The following GALNT9 variants were observed in gnomAD, a reference collection of about 807,000 sequenced individuals.
The protein encoded by GALNT9 is GalNAc transferase 9.
A neutral mutation model predicts 63.1 loss-of-function variants in GALNT9; 47 were observed. The observed-to-expected ratio is 0.75, with a 90% CI of 0.59 to 0.95. GALNT9 has a LOEUF of 0.95. Ranked by LOEUF, GALNT9 falls within the 40% of genes least tolerant of loss-of-function variation. The pLI is 0.00. For synonymous variants in GALNT9, 396 were observed against 365.7 expected (o/e 1.08, Z -0.94); for missense variants, 829 against 874.8 (o/e 0.95, Z 0.66).
chr12:132,209,113 T>A (rs967473359), intron 6 of GALNT9, among the ~76,000 whole-genome samples: 27 of 152,100 alleles, frequency 1.8e-4, no homozygotes, highest in African/African-American at 6.5e-4. Context: ...GAACAGGGGC[T>A]GGGTAAGATG....
chr12:132,306,736 C>A (rs565211097), intron 1 of GALNT9, among the ~76,000 whole-genome samples: 1 of 152,254 alleles, frequency 6.6e-6, no homozygotes, highest in South Asian at 2.1e-4. Context: ...AGCTTCCTTT[C>A]GAGATTCAGG....
chr12:132,213,084 ACGGAAACCCCACCCGGG>A (rs1877022826), intron 6 of GALNT9, among the ~76,000 whole-genome samples: 1 of 96,580 alleles, frequency 1.0e-5, no homozygotes, highest in Non-Finnish European at 2.1e-5. Flanking sequence ...AGACCTCGAC[ACGGAAACCCCACCCGGG>A]TCTGCAGCCT....
At chr12:132,200,071 G>C (rs992043871) in intron 8 of GALNT9, among the ~76,000 whole-genome samples, 11 of 152,190 alleles carry the variant, frequency 7.2e-5, no homozygotes, top group Non-Finnish European at 1.6e-4. Context: ...AGCACAGGGA[G>C]GCTGGGGGAG....
At chr12:132,289,979 G>T (rs558194469) in intron 1 of GALNT9, among the ~76,000 whole-genome samples, 1 of 152,202 alleles carries the variant, frequency 6.6e-6, no homozygotes, top group African/African-American at 2.4e-5. Flanking sequence ...CCTCAGATCC[G>T]ATCTTCTTCC....
At chr12:132,287,502 G>A (rs1463165111) in intron 1 of GALNT9, among the ~76,000 whole-genome samples, 2 of 152,260 alleles carry the variant, frequency 1.3e-5, no homozygotes, top group East Asian at 1.9e-4. Flanking sequence ...CCGAGCCGTC[G>A]ACACAGGCAG....
At chr12:132,295,574 C>T (rs979355281) in intron 1 of GALNT9, among the ~76,000 whole-genome samples, 6 of 152,198 alleles carry the variant, frequency 3.9e-5, no homozygotes, top group Admixed American at 3.3e-4. Flanking sequence ...GGGGCACACA[C>T]GTGAGGGTGG....
intron 5 of GALNT9, 36 bp from the exon 6 acceptor site, chr12:132,248,063 A>T: frequency 2.0e-6 from 3 of 1,530,322 alleles, no homozygotes; most frequent in Non-Finnish European, 2.6e-6. Context: ...GGACCTCGCC[A>T]TGCAGGCCTG....
chr12:132,215,975 G>A (rs1318184428), intron 6 of GALNT9, among the ~76,000 whole-genome samples: 2 of 152,164 alleles, frequency 1.3e-5, no homozygotes, highest in Non-Finnish European at 2.9e-5. Flanking sequence ...GACTCCTAAG[G>A]GACAGTGGCT....
At chr12:132,216,728 G>C (rs1025975817) in intron 6 of GALNT9, among the ~76,000 whole-genome samples, 6 of 152,230 alleles carry the variant, frequency 3.9e-5, no homozygotes, top group Non-Finnish European at 8.8e-5. Flanking sequence ...CCACTCACAA[G>C]ACTGGAGAGA....
At chr12:132,295,641 T>C (rs1881028474) in intron 1 of GALNT9, among the ~76,000 whole-genome samples, 1 of 152,190 alleles carries the variant, frequency 6.6e-6, no homozygotes, top group African/African-American at 2.4e-5. Context: ...CACCAGGAGC[T>C]GGAAGAGGCA....
intron 6 of GALNT9, among the ~76,000 whole-genome samples, chr12:132,247,223 C>G (rs1168302296): frequency 6.6e-6 from 1 of 152,122 alleles, no homozygotes; most frequent in African/African-American, 2.4e-5. Context: ...GGCAGAAGCC[C>G]GGCCGAGCTC....
intron 6 of GALNT9, among the ~76,000 whole-genome samples, chr12:132,216,442 G>A (rs1008539028): frequency 1.3e-5 from 2 of 152,210 alleles, no homozygotes; most frequent in South Asian, 2.1e-4. Context: ...CAGGCAGGAC[G>A]GTGCGTGGCA....
At position 132,247,583 on chromosome 12, in the gene GALNT9, C is replaced by T. The variant is rs1555238082; in HGVS notation, c.1077+327G>A. 9.6e-6 allele frequency: 5 copies of T among 523,330 alleles called. No individual in the cohort carries two copies. In the East Asian group the frequency reaches 1.4e-4, roughly 15 times the overall value. The allele number at this position is 523,330 out of a possible 1,614,324, so 32.4% of individuals were successfully genotyped here. ...CCTGTCCCTAGACCATGGCTGCACT[C>T]GCCCTCACCCTGTCCCCGGACACTG... On this transcript the variant is annotated intron_variant, in intron 6 of 10. Transcript: ENST00000328957.
chr12:132,329,026 G>C lies in GALNT9; in HGVS notation c.178C>G (p.Arg60Gly), dbSNP rs1555246728. The change falls in exon 1 of 11, where the codon CGT becomes GGT. Residue 60 changes from arginine to glycine, a missense_variant. By Grantham distance (125) the Arg-to-Gly change is moderately radical (BLOSUM62 -2). Transcript: ENST00000328957. ...TCCAGGCGCTGCAGGATGGCCTCAC[G>C]GTCCCCCAGCGTGCCCACCTTGGCG... ...RHAKVGTLGD[R>G]EAILQRLDHL... is the part of the protein sequence containing the mutation. The C allele has an allele frequency of 2.6e-6, 4 of 1,544,520 alleles. No individual in the cohort carries two copies. Among genetic ancestry groups the C allele is most frequent in the Non-Finnish European group, 1.7e-6 (2 of 1,145,788 alleles).
rs562282733 is a variant in GALNT9 at position 132,314,491 on chromosome 12, C to G, written c.238+14475G>C. On this transcript the variant is annotated intron_variant, in intron 1 of 10. Coordinates refer to ENST00000328957, the MANE Select transcript of GALNT9 (RefSeq NM_001122636.2). Reference sequence around the variant, plus strand: ...CATTTCACAGATGAGGAAACCAAGGCTCAGAGAGGAGTAGTGACTTGCCCG... The same window carrying G: ...CATTTCACAGATGAGGAAACCAAGGGTCAGAGAGGAGTAGTGACTTGCCCG... 9.9e-5 allele frequency among the ~76,000 whole-genome samples: 15 copies of G among 152,280 alleles called. No individual in the cohort carries two copies. In the East Asian group the frequency reaches 2.7e-3, roughly 28 times the overall value.
chr12:132,240,519 CA>C (rs1878216791), intron 6 of GALNT9: 1 of 430,036 alleles, frequency 2.3e-6, no homozygotes, highest in Non-Finnish European at 4.6e-6. Context: ...CAGTCGCTGG[CA>C]GTGCTGCTGT....
intron 6 of GALNT9, among the ~76,000 whole-genome samples, chr12:132,206,989 C>T (rs910052599): frequency 3.3e-5 from 5 of 152,166 alleles, no homozygotes; most frequent in African/African-American, 1.2e-4. Flanking sequence ...CACCTGAGCC[C>T]GGGAGGTTGA....
intron 2 of GALNT9, among the ~76,000 whole-genome samples, chr12:132,269,295 G>C (rs921645426): frequency 6.6e-6 from 1 of 152,110 alleles, no homozygotes; most frequent in Non-Finnish European, 1.5e-5. Context: ...CGTCGAGTGT[G>C]ATTTCCACGC....
chr12:132,254,850 C>T (rs1879053188), intron 5 of GALNT9, among the ~76,000 whole-genome samples: 1 of 152,186 alleles, frequency 6.6e-6, no homozygotes, highest in Non-Finnish European at 1.5e-5. Flanking sequence ...ATAAACAATA[C>T]AGGACAGATG....
Sources: gnomAD v4.1 joint callset for allele counts (sites outside exome capture counted in the v4.1 genomes callset) on GRCh38, gnomAD v4.1.1 for gene constraint, MANE v1.5 for transcripts, NCBI Gene and HGNC (gene_info 2026-07-23, HGNC 2026-07-21) for gene names.